CSMD1: variants seen among roughly 807,000 people sequenced by gnomAD.
CSMD1 encodes the protein CUB and Sushi multiple domains 1.
In CSMD1, 213 loss-of-function variants were observed where a neutral mutation model predicts 417.5. The observed-to-expected ratio is 0.51, with a 90% confidence interval of 0.46 to 0.57. CSMD1 has a LOEUF of 0.57. CSMD1 is among the 20% of genes least tolerant of loss of function. The pLI, the probability that CSMD1 is intolerant of heterozygous loss-of-function variation, is 0.00. For missense variants in CSMD1, 6,923 were observed against 4,529.7 expected (o/e 1.53, Z -15.17); for synonymous variants, 2,862 against 1,736.8 (o/e 1.65, Z -16.11).
At chr8:4,116,907 G>A (rs942094469) in intron 3 of CSMD1, among the ~76,000 whole-genome samples, 1 of 152,038 alleles carries the variant, frequency 6.6e-6, no homozygotes, top group African/African-American at 2.4e-5. Context: ...CAGAAAGTGA[G>A]GTACTCGAAA....
chr8:3,240,474 G>C (rs576601344), intron 26 of CSMD1, among the ~76,000 whole-genome samples: 224 of 152,132 alleles, frequency 1.5e-3, no homozygotes, highest in African/African-American at 5.3e-3. Context: ...AGCTGAACAC[G>C]ATTGGCAGGG....
intron 5 of CSMD1, among the ~76,000 whole-genome samples, chr8:3,783,299 G>T (rs913879381): frequency 6.6e-6 from 1 of 152,204 alleles, no homozygotes; most frequent in Non-Finnish European, 1.5e-5. Flanking sequence ...GAAATACTGG[G>T]ATGGATGGGA....
chr8:4,926,368 T>C (rs1806873948), intron 1 of CSMD1, among the ~76,000 whole-genome samples: 1 of 152,222 alleles, frequency 6.6e-6, no homozygotes. Flanking sequence ...ATGAACTCTT[T>C]ATCTTTACGA....
At chr8:4,563,337 C>A (rs1248214391) in intron 2 of CSMD1, among the ~76,000 whole-genome samples, 2 of 152,200 alleles carry the variant, frequency 1.3e-5, no homozygotes, top group South Asian at 4.2e-4. Context: ...GGAGATAGAG[C>A]TTTCAGTGAG....
intron 3 of CSMD1, among the ~76,000 whole-genome samples, chr8:4,200,274 T>C (rs1314247320): frequency 6.6e-6 from 1 of 152,194 alleles, no homozygotes; most frequent in Non-Finnish European, 1.5e-5. Context: ...ATTACCTTTT[T>C]TCAGAGGATA....
intron 8 of CSMD1, among the ~76,000 whole-genome samples, chr8:3,608,377 G>T (rs572901114): frequency 6.6e-6 from 1 of 152,068 alleles, no homozygotes; most frequent in Non-Finnish European, 1.5e-5. Flanking sequence ...CAGTTGAGAA[G>T]CTCAAGTTTC....
At chr8:2,964,199 C>T (rs1012688034) in intron 59 of CSMD1, among the ~76,000 whole-genome samples, 1 of 152,228 alleles carries the variant, frequency 6.6e-6, no homozygotes, top group Non-Finnish European at 1.5e-5. Context: ...AGAACAACCG[C>T]TTGCATTTTG....
intron 2 of CSMD1, among the ~76,000 whole-genome samples, chr8:4,606,212 G>A (rs535971867): frequency 6.6e-6 from 1 of 152,168 alleles, no homozygotes; most frequent in Admixed American, 6.5e-5. Flanking sequence ...CGCCTTGCAG[G>A]TCTAAGAGTT....
At chr8:4,792,026 C>G (rs1007745677) in intron 1 of CSMD1, among the ~76,000 whole-genome samples, 3 of 151,998 alleles carry the variant, frequency 2.0e-5, no homozygotes, top group Non-Finnish European at 2.9e-5. Flanking sequence ...TCCTATCTCA[C>G]TAGAAAAGTG....
chr8:4,760,734 A>C (rs73177520), intron 1 of CSMD1, among the ~76,000 whole-genome samples: 2,942 of 152,276 alleles, frequency 0.019, 56 homozygotes, highest in Non-Finnish European at 0.032. Context: ...ATAATGATTA[A>C]GTTTGGGGAA....
intron 1 of CSMD1, among the ~76,000 whole-genome samples, chr8:4,772,908 T>C (rs553403406): frequency 5.9e-5 from 9 of 152,248 alleles, no homozygotes; most frequent in East Asian, 3.9e-4. Context: ...ACGTAAGAAA[T>C]TGGGTTTCTT....
chr8:4,623,870 A>AAT, intron 2 of CSMD1, among the ~76,000 whole-genome samples: 1 of 152,156 alleles, frequency 6.6e-6, no homozygotes, highest in African/African-American at 2.4e-5. Flanking sequence ...GACCGGGGTC[A>AAT]CAAGAAAAGT....
chr8:4,443,430 A>G (rs574646807), intron 2 of CSMD1, among the ~76,000 whole-genome samples: 1 of 152,356 alleles, frequency 6.6e-6, no homozygotes, highest in South Asian at 2.1e-4. Flanking sequence ...TTTATTCATT[A>G]TTCAACAACA....
intron 5 of CSMD1, among the ~76,000 whole-genome samples, chr8:3,954,712 G>C (rs1310555023): frequency 2.0e-5 from 3 of 152,232 alleles, no homozygotes; most frequent in Non-Finnish European, 4.4e-5. Flanking sequence ...TCTTCCCTTA[G>C]GGCAGGCTGC....
chr8:4,588,154 A>G (rs573434134), intron 2 of CSMD1, among the ~76,000 whole-genome samples: 1 of 152,252 alleles, frequency 6.6e-6, no homozygotes, highest in Non-Finnish European at 1.5e-5. Flanking sequence ...CTTATTTTAA[A>G]TGGCTAGTAA....
intron 3 of CSMD1, among the ~76,000 whole-genome samples, chr8:4,372,976 TAA>T (rs1802489569): frequency 6.6e-6 from 1 of 152,148 alleles, no homozygotes; most frequent in Non-Finnish European, 1.5e-5. Flanking sequence ...GAGGAAAATA[TAA>T]AGTGACTTCA....
At chr8:3,817,549 G>A (rs1267046059) in intron 5 of CSMD1, among the ~76,000 whole-genome samples, 1 of 152,038 alleles carries the variant, frequency 6.6e-6, no homozygotes, top group Non-Finnish European at 1.5e-5. Context: ...AAAGCGCAGG[G>A]ATTGCAGGCA....
chr8:4,298,697 C>T (rs1797815949), intron 3 of CSMD1, among the ~76,000 whole-genome samples: 1 of 152,032 alleles, frequency 6.6e-6, no homozygotes, highest in Non-Finnish European at 1.5e-5. Flanking sequence ...CTTCAGGCTA[C>T]TCTGATACTA....
chr8:4,342,437 T>C (rs1800533698), intron 3 of CSMD1, among the ~76,000 whole-genome samples: 1 of 152,098 alleles, frequency 6.6e-6, no homozygotes, highest in South Asian at 2.1e-4. Context: ...TTGAAAACTA[T>C]TCTGGCTATC....
Sources: gnomAD v4.1 joint callset for allele counts (sites outside exome capture counted in the v4.1 genomes callset) on GRCh38, gnomAD v4.1.1 for gene constraint, MANE v1.5 for transcripts, NCBI Gene and HGNC (gene_info 2026-07-23, HGNC 2026-07-21) for gene names.